Variants in NVL observed in about 807,000 individuals in gnomAD.
NVL encodes the protein nuclear VCP like.
A neutral mutation model predicts 110.2 loss-of-function variants in NVL; 84 were observed. The ratio of observed to expected loss-of-function variants is 0.76; its 90% confidence interval spans 0.64 to 0.91. NVL has a LOEUF of 0.91. Among genes scored for constraint, NVL ranks in the 40% least tolerant of loss-of-function variants. NVL has a pLI of 0.00. For missense variants in NVL, 882 were observed against 1,035.9 expected, an observed-to-expected ratio of 0.85 and a Z score of 2.04; for synonymous variants, 354 against 361.1, an observed-to-expected ratio of 0.98 and a Z score of 0.22.
chr1:224,231,518 G>A (rs569233238), intron 21 of NVL, among the ~76,000 whole-genome samples: 1 of 152,216 alleles, frequency 6.6e-6, no homozygotes, highest in East Asian at 1.9e-4. Context: ...TCATAAGTTG[G>A]TAACTTTTTG....
intron 18 of NVL, among the ~76,000 whole-genome samples, chr1:224,254,479 A>G (rs1210015746): frequency 4.9e-5 from 6 of 121,584 alleles, no homozygotes; most frequent in East Asian, 4.7e-4. Flanking sequence ...CGCAACCTCT[A>G]CCTCCTGGAT....
intron 15 of NVL, 69 bp from the exon 16 acceptor site, chr1:224,281,254 T>C (rs1666280051): frequency 1.0e-5 from 13 of 1,264,960 alleles, no homozygotes; most frequent in South Asian, 8.4e-5. Context: ...ATAATGATGA[T>C]GATGTGTGAC....
At chr1:224,246,387 T>C (rs903759088) in intron 19 of NVL, among the ~76,000 whole-genome samples, 1 of 152,144 alleles carries the variant, frequency 6.6e-6, no homozygotes. Flanking sequence ...TTTTGGCAAA[T>C]AGCACTGAAA....
chr1:224,240,651 T>C (rs1661080257), intron 19 of NVL, among the ~76,000 whole-genome samples: 1 of 152,202 alleles, frequency 6.6e-6, no homozygotes, highest in Non-Finnish European at 1.5e-5. Context: ...AGGTGGGGTA[T>C]GAACTTCACA....
rs1236565988 is a variant in NVL at position 224,294,284 on chromosome 1, A to T, written c.1308T>A (p.Asp436Glu). 1.2e-6 allele frequency: 2 copies of T among 1,614,154 alleles called. No homozygotes were observed. The highest frequency in any genetic ancestry group is 1.7e-6 in the Non-Finnish European group (2 of 1,180,024). Reference protein sequence around the residue: ...FDREICLGIPDEASRERILQT... With the variant: ...FDREICLGIPEEASRERILQT... Reference sequence around the variant, plus strand: ...GAATATACCTTTCCCTGGATGCTTCATCTGGGATACCTAGGCATATTTCTC... The same window carrying T: ...GAATATACCTTTCCCTGGATGCTTCTTCTGGGATACCTAGGCATATTTCTC... The change falls in exon 12 of 23, where the codon GAT becomes GAA. Residue 436 changes from aspartate (D) to glutamate (E), a missense_variant. Physicochemically the swap from Asp to Glu is conservative, Grantham distance 45. Around this residue, in one of 4 missense-constraint regions of NVL, gnomAD observed 416 missense variants for 499.3 expected, o/e 0.83. Coordinates refer to ENST00000281701, the MANE Select transcript of NVL (RefSeq NM_002533.4).
chr1:224,245,620 G>A (rs1661717120), intron 19 of NVL, among the ~76,000 whole-genome samples: 2 of 152,280 alleles, frequency 1.3e-5, no homozygotes, highest in South Asian at 2.1e-4. Context: ...CACAGACAGA[G>A]GCTGAGGACT....
intron 5 of NVL, among the ~76,000 whole-genome samples, chr1:224,311,407 G>A (rs1275621626): frequency 1.3e-5 from 2 of 151,440 alleles, no homozygotes; most frequent in African/African-American, 2.4e-5. Flanking sequence ...CACCCAGGCT[G>A]GAGTGCAGTG....
chr1:224,259,192 G>A (rs1239921934), intron 18 of NVL, among the ~76,000 whole-genome samples: 4 of 151,536 alleles, frequency 2.6e-5, no homozygotes, highest in Admixed American at 6.6e-5. Flanking sequence ...AGGTTCAAGC[G>A]ATTCTCCTGC....
chr1:224,279,133 T>C (rs965607830), intron 16 of NVL, among the ~76,000 whole-genome samples: 3 of 152,120 alleles, frequency 2.0e-5, no homozygotes, highest in Non-Finnish European at 4.4e-5. Flanking sequence ...AAGATATACA[T>C]ATATAATATT....
intron 11 of NVL, 139 bp downstream of exon 11, chr1:224,296,362 G>A: frequency 2.0e-6 from 1 of 494,136 alleles, no homozygotes; most frequent in Non-Finnish European, 3.5e-6. Flanking sequence ...TTACAGGCAT[G>A]AGCCACTGTG....
At position 224,296,711 on chromosome 1, in the gene NVL, G is replaced by A. The variant is rs542996203; in HGVS notation, c.1063-93C>T. The A allele has an allele frequency of 2.5e-4, 193 of 760,208 alleles. 1 individual carries two copies. In the South Asian group the frequency reaches 4.0e-3, roughly 16 times the overall value. The allele number at this position is 760,208 out of a possible 1,614,324, so 47.1% of individuals were successfully genotyped here. On this transcript the variant is annotated intron_variant, in intron 10 of 22. Transcript: ENST00000281701. ...TATACATTTTAAAAAAAATCTTCAA[G>A]GTCAAGGATCATTTGCCAAAAGAAT...
chr1:224,288,379 T>C (rs1212897975), intron 13 of NVL, among the ~76,000 whole-genome samples: 2 of 152,158 alleles, frequency 1.3e-5, no homozygotes, highest in African/African-American at 4.8e-5. Flanking sequence ...GGAGGTAGTA[T>C]AATTCATTAA....
chr1:224,281,284 C>CGTGTGTGTGTGT (rs34156240), intron 15 of NVL, 99 bp from the exon 16 acceptor site: 6 of 553,136 alleles, frequency 1.1e-5, no homozygotes, highest in Non-Finnish European at 1.6e-5. Flanking sequence ...ACTCTGTGTG[C>CGTGTGTGTGTGT]GTGTGTGTGT....
intron 12 of NVL, among the ~76,000 whole-genome samples, chr1:224,292,098 A>G (rs1287041475): frequency 6.6e-6 from 1 of 152,230 alleles, no homozygotes; most frequent in Non-Finnish European, 1.5e-5. Context: ...AGAAACTGGA[A>G]CAATTTATAC....
rs1445181132 is a variant in NVL at position 224,236,487 on chromosome 1, T to C, written c.2366+19A>G. On this transcript the variant is annotated intron_variant, in intron 20 of 22. Coordinates refer to ENST00000281701, the MANE Select transcript of NVL (RefSeq NM_002533.4). ...ATTGAACCCCAGAGAGTGAATTGAC[T>C]TAAGATTTAAACACTTACGTATAGC... is the stretch of plus-strand genomic sequence containing the variant. 2.5e-6 allele frequency: 4 copies of C among 1,598,478 alleles called. No homozygotes were observed. Among genetic ancestry groups the C allele is most frequent in the African/African-American group, 1.3e-5 (1 of 74,718 alleles).
At chr1:224,228,904 G>C (rs909558649) in intron 22 of NVL, among the ~76,000 whole-genome samples, 1 of 106,088 alleles carries the variant, frequency 9.4e-6, no homozygotes, top group African/African-American at 3.7e-5. Flanking sequence ...GCGCCATTGC[G>C]ACAGAGCGAG....
At chr1:224,329,603 G>A (rs1382830207) in intron 1 of NVL, among the ~76,000 whole-genome samples, 1 of 152,172 alleles carries the variant, frequency 6.6e-6, no homozygotes, top group African/African-American at 2.4e-5. Context: ...GAAAACCGTA[G>A]GCAAAGTGCC....
chr1:224,229,772 G>A (rs1335035343), intron 22 of NVL, among the ~76,000 whole-genome samples: 1 of 152,078 alleles, frequency 6.6e-6, no homozygotes, highest in East Asian at 1.9e-4. Flanking sequence ...ATGTTGGGTG[G>A]CAATTCCACT....
At chr1:224,238,508 A>G (rs539472877) in intron 19 of NVL, among the ~76,000 whole-genome samples, 31 of 152,354 alleles carry the variant, frequency 2.0e-4, no homozygotes, top group African/African-American at 7.5e-4. Flanking sequence ...CAAGAACTGC[A>G]TAAATTATAC....
Sources: allele counts gnomAD v4.1 joint callset (sites outside exome capture counted in the v4.1 genomes callset), GRCh38; gene constraint gnomAD v4.1.1; regional missense constraint gnomAD v4.1.1; transcripts MANE v1.5; gene names NCBI Gene and HGNC (gene_info 2026-07-23, HGNC 2026-07-21).